Variants in GPR149 observed in about 807,000 individuals in gnomAD.
GPR149 encodes the protein G protein-coupled receptor 149.
In GPR149, 50 loss-of-function variants were observed where a neutral mutation model predicts 50.2. The observed-to-expected ratio is 1.00, with a 90% CI of 0.79 to 1.26. GPR149 has a LOEUF of 1.26. Among genes scored for constraint, GPR149 ranks in the 50% most tolerant of loss-of-function variants. GPR149 has a pLI of 0.00. For missense variants in GPR149, 983 were observed against 895.4 expected, an observed-to-expected ratio of 1.10 and a Z score of -1.25; for synonymous variants, 405 against 358.2, an observed-to-expected ratio of 1.13 and a Z score of -1.48.
At chr3:154,370,757 G>A (rs1559977147) in intron 3 of GPR149, among the ~76,000 whole-genome samples, 1 of 152,156 alleles carries the variant, frequency 6.6e-6, no homozygotes, top group African/African-American at 2.4e-5. Flanking sequence ...TGCCCTGAAC[G>A]ACTGTCCTCA....
intron 3 of GPR149, among the ~76,000 whole-genome samples, chr3:154,380,795 A>T (rs545684645): frequency 1.3e-5 from 2 of 152,226 alleles, no homozygotes; most frequent in South Asian, 4.1e-4. Flanking sequence ...ATTCAAGCTC[A>T]GTATCTTTTG....
chr3:154,344,901 G>T (rs554976384), intron 3 of GPR149, among the ~76,000 whole-genome samples: 14 of 152,212 alleles, frequency 9.2e-5, no homozygotes, highest in African/African-American at 2.9e-4. Flanking sequence ...AGCAGCCTTG[G>T]GAAACTAATT....
chr3:154,368,176 A>G (rs1040688257), intron 3 of GPR149, among the ~76,000 whole-genome samples: 2 of 152,160 alleles, frequency 1.3e-5, no homozygotes, highest in Non-Finnish European at 2.9e-5. Flanking sequence ...CTCCCCCTGC[A>G]AGGGTTACTG....
At chr3:154,427,232 A>T (rs1461357759) in intron 2 of GPR149, among the ~76,000 whole-genome samples, 16 of 151,954 alleles carry the variant, frequency 1.1e-4, no homozygotes, top group Admixed American at 9.8e-4. Context: ...CTTTGTTGAC[A>T]TGGTGTGCTG....
chr3:154,412,813 T>G lies in GPR149; in HGVS notation c.1623+8226A>C, dbSNP rs568863418. Among the ~76,000 whole-genome samples the G allele has an allele frequency of 5.3e-5, 8 of 152,032 alleles. 1 individual carries two copies. In the South Asian group the frequency reaches 1.7e-3, roughly 32 times the overall value. ...AACTAGAAAAACAATCCTAAAATTCTTGTATAACCAAAAAAGAGCCCACAT... is the reference window on the plus strand; with the variant it reads ...AACTAGAAAAACAATCCTAAAATTCGTGTATAACCAAAAAAGAGCCCACAT... On this transcript the variant is annotated intron_variant, in intron 3 of 3. Coordinates refer to ENST00000389740, the MANE Select transcript of GPR149 (RefSeq NM_001038705.3).
chr3:154,367,799 C>T (rs1714565842), intron 3 of GPR149, among the ~76,000 whole-genome samples: 1 of 152,182 alleles, frequency 6.6e-6, no homozygotes, highest in South Asian at 2.1e-4. Context: ...TTTGGAGTTA[C>T]ATTTTGGCGA....
chr3:154,412,606 G>A (rs1391158715), intron 3 of GPR149, among the ~76,000 whole-genome samples: 2 of 151,422 alleles, frequency 1.3e-5, no homozygotes, highest in Admixed American at 6.6e-5. Context: ...ATACTGAGAG[G>A]TGAAAGACAA....
intron 1 of GPR149, 105 bp from the exon 2 acceptor site, chr3:154,427,813 C>T (rs971685128): frequency 5.6e-6 from 6 of 1,065,374 alleles, no homozygotes; most frequent in African/African-American, 1.6e-5. Context: ...GTTCCTTCTC[C>T]TGATGGACAG....
At chr3:154,395,401 C>A in intron 3 of GPR149, among the ~76,000 whole-genome samples, 1 of 147,602 alleles carries the variant, frequency 6.8e-6, no homozygotes, top group African/African-American at 2.5e-5. Context: ...TAAATGTAAA[C>A]AAAATATGAT....
Position 154,337,644 on chromosome 3 carries a change from A to T in GPR149, c.*55T>A. 1 of 1,247,362 alleles carries T rather than the reference A, an allele frequency of 8.0e-7. No individual in the cohort carries two copies. Among genetic ancestry groups the T allele is most frequent in the African/African-American group, 1.5e-5 (1 of 66,820 alleles). 77.3% of individuals were successfully genotyped at this position (1,247,362 alleles called of 1,614,324 possible). ...AAATCAGTCTCATAACAAAGGTGTTAGTTTCACAGTTGACGTTGCAGATCC... is the reference window on the plus strand; with the variant it reads ...AAATCAGTCTCATAACAAAGGTGTTTGTTTCACAGTTGACGTTGCAGATCC... On this transcript the variant is annotated 3_prime_UTR_variant, in exon 4 of 4. Transcript: ENST00000389740.
chr3:154,421,390 G>A lies in GPR149; in HGVS notation c.1272C>T (p.Ser424=). The change falls in exon 3 of 4, where the codon TCC becomes TCT. Residue 424 remains serine, a synonymous_variant. Coordinates refer to ENST00000389740, the MANE Select transcript of GPR149 (RefSeq NM_001038705.3). ...HEDYYDDDEN[S]IFYHNLMNSE... Reference sequence around the variant, plus strand: ...AGTTCATCAGGTTGTGATAGAATATGGAATTTTCATCATCATCATAGTAAT... The same window carrying A: ...AGTTCATCAGGTTGTGATAGAATATAGAATTTTCATCATCATCATAGTAAT... 1.2e-6 allele frequency: 2 copies of A among 1,611,768 alleles called. No individual in the cohort carries two copies. Among genetic ancestry groups the A allele is most frequent in the Middle Eastern group, 1.7e-4 (1 of 6,054 alleles).
intron 3 of GPR149, among the ~76,000 whole-genome samples, chr3:154,364,123 A>T (rs148693512): frequency 6.6e-6 from 1 of 152,324 alleles, no homozygotes; most frequent in East Asian, 1.9e-4. Flanking sequence ...GGGAGTGAAG[A>T]AGTGAAGCCA....
chr3:154,383,828 G>C (rs1343125351), intron 3 of GPR149, among the ~76,000 whole-genome samples: 5 of 151,942 alleles, frequency 3.3e-5, no homozygotes, highest in Admixed American at 3.3e-4. Context: ...AGTAGGATTA[G>C]TGCCCTTGTA....
At chr3:154,413,007 T>C (rs1308189928) in intron 3 of GPR149, among the ~76,000 whole-genome samples, 2 of 151,822 alleles carry the variant, frequency 1.3e-5, no homozygotes, top group Non-Finnish European at 2.9e-5. Context: ...CAAATACTTA[T>C]AGTCAACTCA....
intron 3 of GPR149, among the ~76,000 whole-genome samples, chr3:154,410,156 C>T (rs1711794830): frequency 6.6e-6 from 1 of 152,050 alleles, no homozygotes; most frequent in African/African-American, 2.4e-5. Flanking sequence ...AGGAAAGACA[C>T]AGTTTTTTTC....
intron 2 of GPR149, among the ~76,000 whole-genome samples, chr3:154,422,090 A>G (rs1712164300): frequency 6.6e-6 from 1 of 151,684 alleles, no homozygotes. Context: ...ATACAAATAA[A>G]TGTGAAAAGA....
At chr3:154,421,751 C>G (rs921287398) in intron 2 of GPR149, among the ~76,000 whole-genome samples, 1 of 151,690 alleles carries the variant, frequency 6.6e-6, no homozygotes. Context: ...TCTAAAGAAG[C>G]CTTACATAAC....
chr3:154,345,155 G>C (rs941477528), intron 3 of GPR149, among the ~76,000 whole-genome samples: 1 of 152,134 alleles, frequency 6.6e-6, no homozygotes, highest in Non-Finnish European at 1.5e-5. Context: ...ACAAACAAAA[G>C]TGTGCATAAA....
chr3:154,398,186 G>C (rs910374170), intron 3 of GPR149, among the ~76,000 whole-genome samples: 1 of 152,066 alleles, frequency 6.6e-6, no homozygotes, highest in African/African-American at 2.4e-5. Context: ...CAGTCAAAGA[G>C]GAAGAAAACA....
Sources: gnomAD v4.1 joint callset for allele counts (sites outside exome capture counted in the v4.1 genomes callset) on GRCh38, gnomAD v4.1.1 for gene constraint, MANE v1.5 for transcripts, NCBI Gene and HGNC (gene_info 2026-07-23, HGNC 2026-07-21) for gene names.